Variants in ATR observed in about 807,000 individuals in gnomAD.
The protein encoded by ATR is serine/threonine-protein kinase ATR.
In ATR, 142 loss-of-function variants were observed where a neutral mutation model predicts 305.3. That is an observed-to-expected ratio of 0.47 (90% CI 0.41 to 0.53). The LOEUF (loss-of-function observed/expected upper bound fraction) is 0.53, where lower values mean the gene tolerates loss of function less well. Ranked by LOEUF, ATR falls within the 20% of genes least tolerant of loss-of-function variation. The probability of loss-of-function intolerance (pLI) is 0.00; values close to 1 mark genes in which losing one functional copy is unlikely to be tolerated. For synonymous variants in ATR, 1,050 were observed against 1,068.1 expected (o/e 0.98, Z 0.33); for missense variants, 2,135 against 3,133.1 (o/e 0.68, Z 7.60).
At chr3:142,474,723 T>A (rs959857204) in intron 36 of ATR, among the ~76,000 whole-genome samples, 2 of 152,172 alleles carry the variant, frequency 1.3e-5, no homozygotes, top group African/African-American at 4.8e-5. Flanking sequence ...TTTATTTATC[T>A]CTCTTCTCGA....
At chr3:142,560,174 G>A (rs951005386) in intron 6 of ATR, 89 bp downstream of exon 6, 3 of 1,309,958 alleles carry the variant, frequency 2.3e-6, no homozygotes, top group Non-Finnish European at 3.3e-6. Context: ...GTGTTCTAAG[G>A]TTACATGAGT....
At position 142,469,538 on chromosome 3, in the gene ATR, A is replaced by G. The variant is rs2108279597; in HGVS notation, c.6351T>C (p.Asn2117=). Residue 2117 remains asparagine (N), a synonymous_variant, in exon 38 of 47, where the codon AAT becomes AAC. Coordinates refer to ENST00000350721, the MANE Select transcript of ATR (RefSeq NM_001184.4). ...TAACCTTGTTTATTTTACCCAAATC[A>G]TTCCTCATTTGTACACGATCGGAGC... ...AGRSDRVQMR[N]DLGKINKVIT... 6.2e-7 allele frequency: 1 copy of G among 1,613,864 alleles called. No individual in the cohort carries two copies. The highest frequency in any genetic ancestry group is 8.5e-7 in the Non-Finnish European group (1 of 1,179,820).
intron 21 of ATR, among the ~76,000 whole-genome samples, chr3:142,531,667 T>C (rs1436641371): frequency 6.6e-6 from 1 of 152,230 alleles, no homozygotes; most frequent in Non-Finnish European, 1.5e-5. Context: ...CTTGGACATT[T>C]GGGTTGGTTC....
intron 41 of ATR, 75 bp downstream of exon 41, chr3:142,465,022 C>T (rs2108270512): frequency 9.9e-7 from 1 of 1,005,406 alleles, no homozygotes; most frequent in Non-Finnish European, 1.3e-6. Context: ...TAAAAGCAAT[C>T]TGGTTTTATA....
At chr3:142,552,825 G>A (rs936424904) in intron 13 of ATR, among the ~76,000 whole-genome samples, 1 of 152,002 alleles carries the variant, frequency 6.6e-6, no homozygotes, top group African/African-American at 2.4e-5. Flanking sequence ...GAATGGAATT[G>A]GAAGCCATTA....
intron 36 of ATR, among the ~76,000 whole-genome samples, chr3:142,477,391 C>G (rs559840915): frequency 1.3e-5 from 2 of 152,208 alleles, no homozygotes; most frequent in African/African-American, 4.8e-5. Flanking sequence ...GGATGGATTA[C>G]ATTTGTTGAT....
At chr3:142,539,497 A>G (rs931520209) in intron 18 of ATR, among the ~76,000 whole-genome samples, 1 of 152,198 alleles carries the variant, frequency 6.6e-6, no homozygotes, top group East Asian at 1.9e-4. Context: ...TCAAACTTAT[A>G]AAAATCTACG....
intron 8 of ATR, among the ~76,000 whole-genome samples, chr3:142,557,625 G>A (rs950565917): frequency 1.3e-5 from 2 of 152,170 alleles, no homozygotes; most frequent in Admixed American, 6.5e-5. Context: ...AAAAAATGAG[G>A]GGAATGAAAT....
intron 35 of ATR, among the ~76,000 whole-genome samples, chr3:142,486,155 C>T (rs1278482147): frequency 1.3e-5 from 2 of 152,110 alleles, no homozygotes; most frequent in African/African-American, 4.8e-5. Context: ...ATGGGAAATA[C>T]ACAGGATCAC....
intron 21 of ATR, among the ~76,000 whole-genome samples, chr3:142,526,600 T>C (rs1177578601): frequency 2.6e-5 from 4 of 152,078 alleles, no homozygotes; most frequent in Non-Finnish European, 5.9e-5. Context: ...ATTTCTGTTT[T>C]CTTGAGTGTT....
chr3:142,536,267 A>G, intron 19 of ATR, 66 bp from the exon 20 acceptor site: 1 of 1,208,594 alleles, frequency 8.3e-7, no homozygotes. Context: ...AATGTAAAGT[A>G]AAAGTTGAAA....
intron 21 of ATR, among the ~76,000 whole-genome samples, chr3:142,526,459 T>A (rs2033392269): frequency 6.6e-6 from 1 of 151,990 alleles, no homozygotes; most frequent in Admixed American, 6.6e-5. Flanking sequence ...ATAGGAAACC[T>A]TGCTTTCAGT....
In ATR at chr3:142,466,328, T is replaced by C. The variant is rs2071129606; in HGVS notation, c.6893A>G (p.Asp2298Gly). The change falls in exon 40 of 47, where the codon GAT becomes GGT. Residue 2298 changes from aspartate to glycine, a missense_variant. Around this residue, in one of 9 missense-constraint regions of ATR, gnomAD observed 462 missense variants for 887.6 expected, o/e 0.52. Transcript: ENST00000350721. ...GHWAYIAGFD[D>G]MVEILASLQK... ...TCATATAAAACTGAAGTTTACCATA[T>C]CATCAAACCCTGCAATATAGGCCCA... The C allele has an allele frequency of 1.2e-6, 2 of 1,612,872 alleles. No individual in the cohort carries two copies. Among genetic ancestry groups the C allele is most frequent in the African/African-American group, 2.7e-5 (2 of 74,890 alleles).
At chr3:142,562,177 C>A in intron 4 of ATR, 55 bp downstream of exon 4, 1 of 1,572,416 alleles carries the variant, frequency 6.4e-7, no homozygotes, top group Non-Finnish European at 8.7e-7. Flanking sequence ...CATATGTATA[C>A]AATTAAATGA....
At chr3:142,450,097 G>A (rs1046603215) in intron 46 of ATR, 5 of 313,966 alleles carry the variant, frequency 1.6e-5, no homozygotes, top group Non-Finnish European at 2.4e-5. Flanking sequence ...GGTGCTGGGT[G>A]GGCTGGTGGG....
intron 36 of ATR, among the ~76,000 whole-genome samples, chr3:142,479,970 T>C (rs2030298219): frequency 6.6e-6 from 1 of 152,236 alleles, no homozygotes. Flanking sequence ...GCATTGGTTA[T>C]TCTAGTCAGC....
At chr3:142,469,253 T>C (rs1428556709) in intron 38 of ATR, 84 bp downstream of exon 38, 10 of 1,116,562 alleles carry the variant, frequency 9.0e-6, no homozygotes, top group Non-Finnish European at 1.3e-5. Context: ...CTGGAACTTG[T>C]ATCTACATAT....
chr3:142,554,613 C>A (rs893672338), intron 10 of ATR, among the ~76,000 whole-genome samples: 3 of 152,074 alleles, frequency 2.0e-5, no homozygotes, highest in African/African-American at 7.2e-5. Context: ...TTATATGTTA[C>A]CAAGATAAAC....
At position 142,561,322 on chromosome 3, in the gene ATR, T is replaced by G; in HGVS notation, c.1270A>C (p.Ser424Arg). Residue 424 changes from serine to arginine, a missense_variant, in exon 5 of 47, where the codon AGT becomes CGT. Physicochemically the swap from Ser to Arg is moderately radical, Grantham distance 110 (BLOSUM62 -1). Coordinates refer to ENST00000350721, the MANE Select transcript of ATR (RefSeq NM_001184.4). ...QTQQENLSSN[S>R]DGISPKRRRL... is the part of the protein sequence containing the mutation. ...CGCCTTTTGGGTGATATTCCATCAC[T>G]ATTACTGCTGAGGTTTTCCTGTTGA... 1 of 1,614,128 alleles carries G rather than the reference T, an allele frequency of 6.2e-7. No individual in the cohort carries two copies.
Sources: allele counts gnomAD v4.1 joint callset (sites outside exome capture counted in the v4.1 genomes callset), GRCh38; gene constraint gnomAD v4.1.1; regional missense constraint gnomAD v4.1.1; transcripts MANE v1.5; gene names NCBI Gene and HGNC (gene_info 2026-07-23, HGNC 2026-07-21).